SHISA9: variants seen among roughly 807,000 people sequenced by gnomAD.
The protein encoded by SHISA9 is shisa family member 9, also known as protein shisa-9.
A neutral mutation model predicts 38.0 loss-of-function variants in SHISA9; 13 were observed. The observed-to-expected ratio is 0.34, with a 90% CI of 0.22 to 0.54. The LOEUF is 0.54. Ranked by LOEUF, SHISA9 falls within the 20% of genes least tolerant of loss-of-function variation. The probability of loss-of-function intolerance (pLI) is 0.91; values close to 1 mark genes in which losing one functional copy is unlikely to be tolerated. For missense variants in SHISA9, 538 were observed against 575.8 expected (o/e 0.93, Z 0.67); for synonymous variants, 275 against 242.0 (o/e 1.14, Z -1.27).
the SHISA9 span, among the ~76,000 whole-genome samples, chr16:13,415,169 T>C: frequency 1.3e-5 from 2 of 152,176 alleles, no homozygotes; most frequent in African/African-American, 4.8e-5. Flanking sequence ...TGAACTTAAA[T>C]ATGTAAGGAG....
the SHISA9 span, among the ~76,000 whole-genome samples, chr16:13,333,161 A>G: frequency 6.6e-6 from 1 of 152,146 alleles, no homozygotes; most frequent in African/African-American, 2.4e-5. Context: ...TCAGTGCATG[A>G]TGCAATTGGA....
At chr16:13,263,723 A>T in the SHISA9 span, among the ~76,000 whole-genome samples, 3 of 152,164 alleles carry the variant, frequency 2.0e-5, no homozygotes, top group Non-Finnish European at 4.4e-5. Flanking sequence ...CTGTGTATAA[A>T]ATCTTGTGTG....
intron 2 of SHISA9, among the ~76,000 whole-genome samples, chr16:12,989,259 C>A (rs1410861599): frequency 1.3e-5 from 2 of 152,026 alleles, no homozygotes; most frequent in Non-Finnish European, 1.5e-5. Flanking sequence ...GGGTGCCTGA[C>A]CTCTGCCTGC....
chr16:12,956,326 T>A (rs529134473), intron 2 of SHISA9, among the ~76,000 whole-genome samples: 7 of 152,272 alleles, frequency 4.6e-5, no homozygotes, highest in African/African-American at 1.7e-4. Flanking sequence ...TATAGAGATA[T>A]CTCAAAGAAT....
chr16:13,237,867 A>G lies in SHISA9; in HGVS notation c.*2458A>G, dbSNP rs1199856449. 6.6e-6 allele frequency: 1 copy of G among 152,132 alleles called. No individual in the cohort carries two copies. Among genetic ancestry groups the G allele is most frequent in the Non-Finnish European group, 1.5e-5 (1 of 68,026 alleles). 9.4% of individuals were successfully genotyped at this position (152,132 alleles called of 1,614,324 possible). On this transcript the variant is annotated 3_prime_UTR_variant, in exon 5 of 5. Coordinates refer to ENST00000558583, the MANE Select transcript of SHISA9 (RefSeq NM_001145204.3). ...TTTCCTTGACGTTAATGAGCTATGT[A>G]CCTGCAACACACTTTGGCATCTCTG...
chr16:13,142,452 C>T (rs1360792599), intron 2 of SHISA9, among the ~76,000 whole-genome samples: 2 of 152,132 alleles, frequency 1.3e-5, no homozygotes, highest in Non-Finnish European at 2.9e-5. Context: ...GTAATCAGAG[C>T]TAATTTATTG....
At chr16:13,307,985 A>C in the SHISA9 span, among the ~76,000 whole-genome samples, 2 of 152,186 alleles carry the variant, frequency 1.3e-5, no homozygotes, top group African/African-American at 4.8e-5. Flanking sequence ...ATATATTCTG[A>C]GTGCCATATG....
chr16:13,003,853 G>A (rs9925698), intron 2 of SHISA9, among the ~76,000 whole-genome samples: 27,101 of 149,598 alleles, frequency 0.18, 4,271 homozygotes, highest in African/African-American at 0.42. Context: ...GCGAGACTCC[G>A]TCTCAAAATA....
At chr16:13,304,319 C>G in the SHISA9 span, among the ~76,000 whole-genome samples, 2 of 152,232 alleles carry the variant, frequency 1.3e-5, no homozygotes, top group African/African-American at 2.4e-5. Flanking sequence ...TGTGTAGTAG[C>G]ATGATCACGG....
chr16:13,197,431 G>T (rs551853054), intron 2 of SHISA9, among the ~76,000 whole-genome samples: 10 of 152,218 alleles, frequency 6.6e-5, no homozygotes. Context: ...ACCTTAAGTG[G>T]CTCTGAGTTG....
the SHISA9 span, among the ~76,000 whole-genome samples, chr16:13,483,637 C>T: frequency 3.3e-5 from 5 of 152,006 alleles, no homozygotes; most frequent in Non-Finnish European, 7.4e-5. Flanking sequence ...TCTAATCCTT[C>T]CCCGGTCTTT....
At chr16:13,414,585 T>C in the SHISA9 span, among the ~76,000 whole-genome samples, 1 of 151,670 alleles carries the variant, frequency 6.6e-6, no homozygotes, top group Non-Finnish European at 1.5e-5. Flanking sequence ...ATGTAGGGGC[T>C]CAAAACAAAT....
At chr16:13,311,476 TTTCTC>T in the SHISA9 span, among the ~76,000 whole-genome samples, 1 of 152,192 alleles carries the variant, frequency 6.6e-6, no homozygotes, top group South Asian at 2.1e-4. Flanking sequence ...AGAGACTCGT[TTTCTC>T]TTCCTTTTAA....
intron 2 of SHISA9, among the ~76,000 whole-genome samples, chr16:13,015,591 G>T (rs1424676301): frequency 6.6e-6 from 1 of 152,088 alleles, no homozygotes; most frequent in Non-Finnish European, 1.5e-5. Flanking sequence ...GAGCATCTGG[G>T]GTTGATTCTA....
Position 13,237,088 on chromosome 16 carries a change from G to C in SHISA9, c.*1679G>C, listed in dbSNP as rs1351441955. 1 of 152,170 alleles carries C rather than the reference G, an allele frequency of 6.6e-6. No individual in the cohort carries two copies. The highest frequency in any genetic ancestry group is 2.4e-5 in the African/African-American group (1 of 41,430). The allele number at this position is 152,170 out of a possible 1,614,324, so 9.4% of individuals were successfully genotyped here. ...TTTGGTAGTTAATTAACATTCAACA[G>C]ACCCACAGCAACTCTGGTGTCAGAA... On this transcript the variant is annotated 3_prime_UTR_variant, in exon 5 of 5. Coordinates refer to ENST00000558583, the MANE Select transcript of SHISA9 (RefSeq NM_001145204.3).
the SHISA9 span, among the ~76,000 whole-genome samples, chr16:13,515,838 T>C: frequency 6.6e-6 from 1 of 152,162 alleles, no homozygotes; most frequent in Non-Finnish European, 1.5e-5. Flanking sequence ...AAATCCAAGA[T>C]TAGGAATATT....
intron 2 of SHISA9, among the ~76,000 whole-genome samples, chr16:13,050,125 T>C (rs969771505): frequency 3.9e-5 from 6 of 152,154 alleles, no homozygotes; most frequent in African/African-American, 1.4e-4. Flanking sequence ...GATATATTGG[T>C]AAGTTTTTAA....
Position 13,237,685 on chromosome 16 carries a change from A to G in SHISA9, c.*2276A>G, listed in dbSNP as rs1382520305. 1 of 150,750 alleles carries G rather than the reference A, an allele frequency of 6.6e-6. No individual in the cohort carries two copies. Among genetic ancestry groups the G allele is most frequent in the South Asian group, 2.1e-4 (1 of 4,740 alleles). The allele number at this position is 150,750 out of a possible 1,614,324, so 9.3% of individuals were successfully genotyped here. A position where few individuals can be genotyped will look rare whatever the true frequency, so the allele number is the denominator to read the frequency against. ...AAAAAAAAAAAAGAAAAAAAAAGAGATCTTTCAAAGAACGCATAATAGGAG... is the reference window on the plus strand; with the variant it reads ...AAAAAAAAAAAAGAAAAAAAAAGAGGTCTTTCAAAGAACGCATAATAGGAG... On this transcript the variant is annotated 3_prime_UTR_variant, in exon 5 of 5. Transcript: ENST00000558583.
the SHISA9 span, among the ~76,000 whole-genome samples, chr16:13,552,490 G>A: frequency 2.0e-5 from 3 of 150,892 alleles, no homozygotes; most frequent in African/African-American, 7.3e-5. Context: ...CTATGGTATC[G>A]GGCTTTGTGG....
Sources: gnomAD v4.1 joint callset for allele counts (sites outside exome capture counted in the v4.1 genomes callset) on GRCh38, gnomAD v4.1.1 for gene constraint, MANE v1.5 for transcripts, NCBI Gene and HGNC (gene_info 2026-07-23, HGNC 2026-07-21) for gene names.